Variants in ATE1 observed in about 807,000 individuals in gnomAD.
The protein encoded by ATE1 is arginyltransferase 1, also known as arginyl-tRNA--protein transferase 1.
Under a neutral mutation model 70.5 loss-of-function variants are expected in ATE1, and 36 were observed. The observed-to-expected ratio is 0.51, with a 90% CI of 0.39 to 0.67. The LOEUF (loss-of-function observed/expected upper bound fraction) is 0.67, where lower values mean the gene tolerates loss of function less well. Among genes scored for constraint, ATE1 ranks in the 30% least tolerant of loss-of-function variants. ATE1 has a pLI of 0.00. For synonymous variants in ATE1, 232 were observed against 219.3 expected, an observed-to-expected ratio of 1.06 and a Z score of -0.51; for missense variants, 593 against 629.5, an observed-to-expected ratio of 0.94 and a Z score of 0.62.
At chr10:121,912,470 T>C (rs1346188964) in intron 4 of ATE1, among the ~76,000 whole-genome samples, 3 of 151,498 alleles carry the variant, frequency 2.0e-5, no homozygotes, top group Non-Finnish European at 4.4e-5. Flanking sequence ...GCCAACACAG[T>C]GAAACCCCGT....
At chr10:121,823,913 C>T (rs764827650) in intron 10 of ATE1, among the ~76,000 whole-genome samples, 3 of 152,130 alleles carry the variant, frequency 2.0e-5, no homozygotes, top group Non-Finnish European at 4.4e-5. Flanking sequence ...TAAGTTCAAA[C>T]TCTTCTCGTG....
intron 7 of ATE1, among the ~76,000 whole-genome samples, chr10:121,897,949 G>A (rs1238014120): frequency 6.6e-6 from 1 of 152,006 alleles, no homozygotes. Flanking sequence ...TCTGGGAAGT[G>A]AGCCCTTTCT....
chr10:121,875,460 A>G (rs2134066889), intron 7 of ATE1, among the ~76,000 whole-genome samples: 1 of 151,628 alleles, frequency 6.6e-6, no homozygotes, highest in Non-Finnish European at 1.5e-5. Context: ...GCCCACCACC[A>G]CGCCTGGCTA....
intron 8 of ATE1, among the ~76,000 whole-genome samples, chr10:121,860,651 T>C (rs895864474): frequency 1.3e-5 from 2 of 152,258 alleles, no homozygotes; most frequent in Non-Finnish European, 2.9e-5. Context: ...AGAAATTTAC[T>C]TCTGCATTTT....
rs770249649 is a variant in ATE1 at position 121,910,903 on chromosome 10, T to C, written c.583+3A>G. 15 of 1,612,830 alleles carry C rather than the reference T, an allele frequency of 9.3e-6. No individual in the cohort carries two copies. In the South Asian group the frequency reaches 1.5e-4, roughly 17 times the overall value. On this transcript the variant is annotated splice_donor_region_variant and intron_variant, in intron 5 of 11. Coordinates refer to ENST00000224652, the MANE Select transcript of ATE1 (RefSeq NM_001001976.3). ...ATGACTTGGTATCAAAAATCTTTAC[T>C]ACCTGGCTTAGGAACTGTGTGAACT...
At chr10:121,917,752 C>G (rs776940690) in intron 3 of ATE1, among the ~76,000 whole-genome samples, 1 of 151,990 alleles carries the variant, frequency 6.6e-6, no homozygotes, top group Non-Finnish European at 1.5e-5. Context: ...CTTAGGGGAA[C>G]AGGAAATGGG....
chr10:121,774,564 A>G (rs7101164), intron 11 of ATE1, among the ~76,000 whole-genome samples: 143,705 of 152,228 alleles, frequency 0.94, 68,051 homozygotes, highest in Non-Finnish European at 0.98. Flanking sequence ...ATGCCAATGA[A>G]GAAGTTCAAA....
chr10:121,823,277 A>C (rs1564869692), intron 10 of ATE1, among the ~76,000 whole-genome samples: 1 of 152,128 alleles, frequency 6.6e-6, no homozygotes, highest in Non-Finnish European at 1.5e-5. Context: ...GCGACAGAAC[A>C]AGACTTCCTC....
At chr10:121,922,517 G>C in intron 2 of ATE1, 106 bp from the exon 3 acceptor site, 2 of 691,690 alleles carry the variant, frequency 2.9e-6, no homozygotes, top group Non-Finnish European at 5.0e-6. Context: ...AATCAACATT[G>C]TAGAAATGCA....
chr10:121,838,087 G>T (rs1291504851), intron 9 of ATE1, among the ~76,000 whole-genome samples: 1 of 151,978 alleles, frequency 6.6e-6, no homozygotes, highest in East Asian at 1.9e-4. Context: ...AGATATTCTG[G>T]GTCAAGCAGC....
chr10:121,745,548 C>T (rs112314214), intron 11 of ATE1, among the ~76,000 whole-genome samples: 2,543 of 152,112 alleles, frequency 0.017, 64 homozygotes, highest in African/African-American at 0.048. Flanking sequence ...AACCCCGTCT[C>T]TACTAAAAAA....
chr10:121,859,923 A>C (rs1949409793), intron 8 of ATE1, among the ~76,000 whole-genome samples: 1 of 152,218 alleles, frequency 6.6e-6, no homozygotes, highest in South Asian at 2.1e-4. Flanking sequence ...ACTGGGCGAC[A>C]CAGTGAGGCT....
In ATE1 at chr10:121,913,898, G is replaced by A. The variant is rs769994478; in HGVS notation, c.234-5C>T. ...TGAAATTGTAAAGGTCGGCACCTAGGAAAGCAAAATAAATATTTAAAAAGT... is the reference window on the plus strand; with the variant it reads ...TGAAATTGTAAAGGTCGGCACCTAGAAAAGCAAAATAAATATTTAAAAAGT... On this transcript the variant is annotated splice_polypyrimidine_tract_variant and splice_region_variant and intron_variant, in intron 3 of 11. Coordinates refer to ENST00000224652, the MANE Select transcript of ATE1 (RefSeq NM_001001976.3). 2 of 1,598,924 alleles carry A rather than the reference G, an allele frequency of 1.3e-6. No individual in the cohort carries two copies. Among genetic ancestry groups the A allele is most frequent in the East Asian group, 2.2e-5 (1 of 44,606 alleles).
intron 10 of ATE1, among the ~76,000 whole-genome samples, chr10:121,801,669 A>C (rs189037356): frequency 1.3e-4 from 20 of 152,310 alleles, no homozygotes; most frequent in African/African-American, 4.8e-4. Flanking sequence ...TGTTTGTAAG[A>C]AGAACCAATT....
intron 11 of ATE1, among the ~76,000 whole-genome samples, chr10:121,779,846 T>C (rs7075881): frequency 0.94 from 143,755 of 152,282 alleles, 68,089 homozygotes; most frequent in Non-Finnish European, 0.98. Flanking sequence ...CCAAGATTGT[T>C]AAATGATGTT....
Position 121,914,003 on chromosome 10 carries a change from G to A in ATE1, c.234-110C>T, listed in dbSNP as rs989871461. The A allele has an allele frequency of 4.1e-6, 3 of 740,338 alleles. No homozygotes were observed. In the Admixed American group the frequency reaches 8.7e-5, roughly 21 times the overall value. The allele number at this position is 740,338 out of a possible 1,614,324, so 45.9% of individuals were successfully genotyped here. ...GACCATCTCATGCCTGAGATTTCTG[G>A]TTAAAGATGGGGCTTAATGTAGCCT... On this transcript the variant is annotated intron_variant, in intron 3 of 11. Coordinates refer to ENST00000224652, the MANE Select transcript of ATE1 (RefSeq NM_001001976.3).
At chr10:121,801,176 T>C (rs1946863959) in intron 10 of ATE1, among the ~76,000 whole-genome samples, 1 of 152,186 alleles carries the variant, frequency 6.6e-6, no homozygotes, top group South Asian at 2.1e-4. Flanking sequence ...AGGCTAAGCT[T>C]TGAAAATTTA....
At chr10:121,847,592 T>C (rs1948878998) in intron 8 of ATE1, among the ~76,000 whole-genome samples, 3 of 150,996 alleles carry the variant, frequency 2.0e-5, no homozygotes, top group South Asian at 4.2e-4. Flanking sequence ...ACCCTGTCTG[T>C]ACTAAAAATA....
At chr10:121,856,435 C>G (rs1253528590) in intron 8 of ATE1, among the ~76,000 whole-genome samples, 1 of 152,094 alleles carries the variant, frequency 6.6e-6, no homozygotes, top group African/African-American at 2.4e-5. Flanking sequence ...GAGGCTGAGG[C>G]AGGAGAATCG....
Sources: allele counts gnomAD v4.1 joint callset (sites outside exome capture counted in the v4.1 genomes callset), GRCh38; gene constraint gnomAD v4.1.1; transcripts MANE v1.5; gene names NCBI Gene and HGNC (gene_info 2026-07-23, HGNC 2026-07-21).